Variants in CLEC9A observed in about 807,000 individuals in gnomAD.
CLEC9A encodes the protein C-type lectin domain family 9 member A.
In CLEC9A, 24 loss-of-function variants were observed where a neutral mutation model predicts 30.0. That is an observed-to-expected ratio of 0.80 (90% CI 0.58 to 1.13). CLEC9A has a LOEUF of 1.13. Among genes scored for constraint, CLEC9A ranks in the 50% most tolerant of loss-of-function variants. The probability of loss-of-function intolerance (pLI) is 0.00; values close to 1 mark genes in which losing one functional copy is unlikely to be tolerated. For synonymous variants in CLEC9A, 111 were observed against 96.8 expected, an observed-to-expected ratio of 1.15 and a Z score of -0.86; for missense variants, 251 against 280.9, an observed-to-expected ratio of 0.89 and a Z score of 0.76.
intron 2 of CLEC9A, among the ~76,000 whole-genome samples, chr12:10,048,827 C>A (rs1479141309): frequency 1.3e-5 from 2 of 152,212 alleles, no homozygotes; most frequent in Non-Finnish European, 2.9e-5. Context: ...CTTCCAAGCG[C>A]CTGTTAATGT....
intron 2 of CLEC9A, among the ~76,000 whole-genome samples, chr12:10,043,660 G>T (rs1321585508): frequency 1.0e-5 from 1 of 95,724 alleles, no homozygotes; most frequent in East Asian, 3.0e-4. Flanking sequence ...CTGATTCTCT[G>T]CATATATATG....
At chr12:10,063,796 A>G (rs28567039) in intron 7 of CLEC9A, among the ~76,000 whole-genome samples, 1 of 152,152 alleles carries the variant, frequency 6.6e-6, no homozygotes, top group South Asian at 2.1e-4. Flanking sequence ...TGGGTGGATC[A>G]CCTGAGTTCA....
intron 2 of CLEC9A, among the ~76,000 whole-genome samples, chr12:10,045,278 T>C (rs932147081): frequency 6.6e-5 from 10 of 152,200 alleles, no homozygotes; most frequent in South Asian, 4.1e-4. Context: ...CTTAATCTTA[T>C]GCTACATGAA....
chr12:10,064,609 C>A, intron 7 of CLEC9A, 123 bp from the exon 8 acceptor site: 1 of 1,041,136 alleles, frequency 9.6e-7, no homozygotes, highest in Non-Finnish European at 1.4e-6. Context: ...ATACTCCCTT[C>A]TCTCCTTTTC....
At chr12:10,047,397 A>G (rs1388291789) in intron 2 of CLEC9A, among the ~76,000 whole-genome samples, 6 of 152,268 alleles carry the variant, frequency 3.9e-5, no homozygotes, top group Non-Finnish European at 7.3e-5. Context: ...ATGTAAGCCA[A>G]TCAAACTGTG....
At chr12:10,057,793 C>T (rs1865955754) in intron 5 of CLEC9A, among the ~76,000 whole-genome samples, 1 of 151,918 alleles carries the variant, frequency 6.6e-6, no homozygotes, top group Non-Finnish European at 1.5e-5. Context: ...TAATTTTCTT[C>T]CTACTATTTC....
chr12:10,047,958 C>T (rs1022006613), intron 2 of CLEC9A, among the ~76,000 whole-genome samples: 2 of 151,966 alleles, frequency 1.3e-5, no homozygotes, highest in Admixed American at 6.6e-5. Context: ...GTGGGCTGGG[C>T]GCGGTGGCTC....
At chr12:10,044,802 CAACAGGAAAGCCCT>C (rs1865831675) in intron 2 of CLEC9A, among the ~76,000 whole-genome samples, 1 of 152,194 alleles carries the variant, frequency 6.6e-6, no homozygotes, top group African/African-American at 2.4e-5. Flanking sequence ...GGAAGTTCCC[CAACAGGAAAGCCCT>C]TGGCTTTCTT....
intron 1 of CLEC9A, among the ~76,000 whole-genome samples, chr12:10,038,738 G>A (rs1459198470): frequency 6.6e-6 from 1 of 152,182 alleles, no homozygotes; most frequent in Non-Finnish European, 1.5e-5. Flanking sequence ...TACTTTCAAT[G>A]CAAGCTAAAA....
At chr12:10,033,352 C>T (rs1312531906) in intron 1 of CLEC9A, among the ~76,000 whole-genome samples, 1 of 151,788 alleles carries the variant, frequency 6.6e-6, no homozygotes, top group African/African-American at 2.4e-5. Flanking sequence ...GAATTAATCT[C>T]TTGTAACCTC....
At chr12:10,049,300 T>C (rs1473015095) in intron 2 of CLEC9A, among the ~76,000 whole-genome samples, 1 of 152,204 alleles carries the variant, frequency 6.6e-6, no homozygotes, top group Admixed American at 6.5e-5. Context: ...TTAAGGTCTC[T>C]AGGGCTTTTG....
In CLEC9A at chr12:10,031,130, T is replaced by G. The variant is rs73259752; in HGVS notation, c.-318+158T>G. Among the ~76,000 whole-genome samples the G allele has an allele frequency of 4.7e-3, 714 of 152,208 alleles. 10 individuals carry two copies. The highest frequency in any genetic ancestry group is 0.017 in the African/African-American group (696 of 41,508). ...GATTCTGAAGAAATGTAAAATAATA[T>G]GAAGGTGTGAGCTGATATATTTAAG... is the stretch of plus-strand genomic sequence containing the variant. On this transcript the variant is annotated intron_variant, in intron 1 of 8. Transcript: ENST00000355819.
At chr12:10,044,670 T>C (rs1865830256) in intron 2 of CLEC9A, among the ~76,000 whole-genome samples, 1 of 152,208 alleles carries the variant, frequency 6.6e-6, no homozygotes, top group Non-Finnish European at 1.5e-5. Context: ...CCAAACTAAA[T>C]TAGCTTCCCT....
intron 2 of CLEC9A, among the ~76,000 whole-genome samples, chr12:10,050,511 T>G (rs1865883890): frequency 6.6e-6 from 1 of 152,260 alleles, no homozygotes; most frequent in African/African-American, 2.4e-5. Context: ...AATTCATGTA[T>G]AAGTTCTTGA....
intron 2 of CLEC9A, among the ~76,000 whole-genome samples, chr12:10,049,578 G>A (rs1443721450): frequency 5.3e-5 from 8 of 152,056 alleles, no homozygotes; most frequent in African/African-American, 1.2e-4. Context: ...TTCATCTTTC[G>A]TTTTTTTGTT....
chr12:10,056,992 T>C (rs1426197984), intron 5 of CLEC9A, among the ~76,000 whole-genome samples: 1 of 152,160 alleles, frequency 6.6e-6, no homozygotes, highest in Non-Finnish European at 1.5e-5. Flanking sequence ...CTAGTGACTA[T>C]TAATTTTTAT....
chr12:10,048,884 CTAGAATAGT>C (rs1865870169), intron 2 of CLEC9A, among the ~76,000 whole-genome samples: 1 of 152,212 alleles, frequency 6.6e-6, no homozygotes, highest in African/African-American at 2.4e-5. Context: ...TCAGTGACAT[CTAGAATAGT>C]AAATCCTTTC....
intron 1 of CLEC9A, among the ~76,000 whole-genome samples, chr12:10,032,476 C>G (rs921034837): frequency 6.8e-6 from 1 of 148,120 alleles, no homozygotes. Flanking sequence ...CTGCAATCTC[C>G]GCCTCCCGGG....
At chr12:10,051,432 A>C (rs907366981) in intron 2 of CLEC9A, among the ~76,000 whole-genome samples, 5 of 152,074 alleles carry the variant, frequency 3.3e-5, no homozygotes, top group Non-Finnish European at 5.9e-5. Flanking sequence ...AGTTCCAATA[A>C]ACATTTTCAA....
Sources: allele counts gnomAD v4.1 joint callset (sites outside exome capture counted in the v4.1 genomes callset), GRCh38; gene constraint gnomAD v4.1.1; transcripts MANE v1.5; gene names NCBI Gene and HGNC (gene_info 2026-07-23, HGNC 2026-07-21).